Variants in PALM2AKAP2 observed in about 807,000 individuals in gnomAD.
PALM2AKAP2 encodes the protein PALM2-AKAP2 fusion protein.
A neutral mutation model predicts 71.5 loss-of-function variants in PALM2AKAP2; 37 were observed. The ratio of observed to expected loss-of-function variants is 0.52; its 90% CI spans 0.40 to 0.68. The LOEUF (loss-of-function observed/expected upper bound fraction) is 0.68. Among genes scored for constraint, PALM2AKAP2 ranks in the 30% least tolerant of loss-of-function variants. PALM2AKAP2 has a pLI of 0.00. For synonymous variants in PALM2AKAP2, 468 were observed against 478.8 expected (o/e 0.98, Z 0.29); for missense variants, 1,224 against 1,191.8 (o/e 1.03, Z -0.40).
chr9:109,999,186 A>G (rs2132268448), intron 6 of PALM2AKAP2, among the ~76,000 whole-genome samples: 1 of 152,076 alleles, frequency 6.6e-6, no homozygotes, highest in East Asian at 1.9e-4. Context: ...TAAAAATACA[A>G]AAATTGGCTG....
chr9:109,756,507 G>A (rs1264983591), intron 1 of PALM2AKAP2, among the ~76,000 whole-genome samples: 2 of 152,032 alleles, frequency 1.3e-5, no homozygotes, highest in Admixed American at 6.6e-5. Flanking sequence ...CATGTTCATT[G>A]GCTTTTGGCC....
At chr9:109,737,901 T>G (rs138349203) in intron 1 of PALM2AKAP2, among the ~76,000 whole-genome samples, 9 of 152,310 alleles carry the variant, frequency 5.9e-5, no homozygotes, top group African/African-American at 2.2e-4. Flanking sequence ...CATCATAACA[T>G]TTGGGTGTTG....
At chr9:110,054,708 G>A (rs112967741) in intron 1 of PALM2AKAP2, among the ~76,000 whole-genome samples, 5 of 152,098 alleles carry the variant, frequency 3.3e-5, no homozygotes, top group Non-Finnish European at 7.4e-5. Flanking sequence ...GAGTAGCTGG[G>A]ACTACAGGTG....
In PALM2AKAP2 at chr9:109,832,786, G is replaced by A. The variant is rs146691445; in HGVS notation, c.46-34705G>A. ...ACAGATTATCCGACACAATTTCATTGGGGTTCTCAAATGGCAAGAGTTTGT... is the reference window on the plus strand; with the variant it reads ...ACAGATTATCCGACACAATTTCATTAGGGTTCTCAAATGGCAAGAGTTTGT... On this transcript the variant is annotated intron_variant, in intron 1 of 9. Coordinates refer to the PALM2AKAP2 transcript ENST00000302798. Among the ~76,000 whole-genome samples, 22 of 152,226 alleles carry A rather than the reference G, an allele frequency of 1.4e-4. No individual in the cohort carries two copies. The East Asian group carries it at 4.3e-3, about 29-fold the overall frequency.
intron 1 of PALM2AKAP2, among the ~76,000 whole-genome samples, chr9:110,072,912 G>T (rs1245753408): frequency 6.6e-6 from 1 of 152,052 alleles, no homozygotes; most frequent in Non-Finnish European, 1.5e-5. Context: ...GGTTAACTTT[G>T]CACGTGACCA....
At chr9:109,800,434 G>T (rs1484623778) in intron 1 of PALM2AKAP2, among the ~76,000 whole-genome samples, 1 of 152,168 alleles carries the variant, frequency 6.6e-6, no homozygotes, top group Non-Finnish European at 1.5e-5. Context: ...CCCAAGACCG[G>T]GTAGCTGAGT....
intron 1 of PALM2AKAP2, among the ~76,000 whole-genome samples, chr9:109,714,200 G>T (rs1342093168): frequency 6.6e-6 from 1 of 152,116 alleles, no homozygotes; most frequent in Non-Finnish European, 1.5e-5. Flanking sequence ...ACTTCCAATT[G>T]TTAACCTCTG....
rs1829818942 is a variant in PALM2AKAP2, at chr9:109,880,431, A to AAGGCAGCGATTC, written c.127-111_127-100dup. ...AGGGAGCCATGTTAGTGAGGAGGTG[A>AAGGCAGCGATTC]AGGCAGCGATTCAGGCAGCGCTGGT... On this transcript the variant is annotated intron_variant, in intron 2 of 9. Coordinates refer to the PALM2AKAP2 transcript ENST00000302798. 2.1e-6 allele frequency: 3 copies of AAGGCAGCGATTC among 1,435,236 alleles called. No individual in the cohort carries two copies. In the Admixed American group the frequency reaches 6.1e-5, roughly 29 times the overall value. The allele number at this position is 1,435,236 out of a possible 1,614,324, so 88.9% of individuals were successfully genotyped here. A position where few individuals can be genotyped will look rare whatever the true frequency, so the allele number is the denominator to read the frequency against.
chr9:110,102,981 C>T (rs151224540), intron 1 of PALM2AKAP2, among the ~76,000 whole-genome samples: 206 of 152,262 alleles, frequency 1.4e-3, no homozygotes, highest in African/African-American at 4.7e-3. Flanking sequence ...ACTTCTTTCA[C>T]TCCCATCTCA....
intron 1 of PALM2AKAP2, among the ~76,000 whole-genome samples, chr9:109,846,296 G>T (rs939674436): frequency 3.3e-5 from 5 of 152,282 alleles, no homozygotes; most frequent in Non-Finnish European, 7.4e-5. Context: ...ACAGGGACCT[G>T]CTTCAAGAGA....
At chr9:110,123,840 G>C (rs1360343920) in intron 1 of PALM2AKAP2, among the ~76,000 whole-genome samples, 1 of 152,220 alleles carries the variant, frequency 6.6e-6, no homozygotes, top group Non-Finnish European at 1.5e-5. Flanking sequence ...CTTCATAATG[G>C]AAAGTCCTTC....
chr9:109,820,071 A>T (rs1827956774), intron 1 of PALM2AKAP2, among the ~76,000 whole-genome samples: 1 of 152,232 alleles, frequency 6.6e-6, no homozygotes, highest in African/African-American at 2.4e-5. Flanking sequence ...AGACTTACAC[A>T]TACCTTATGT....
At chr9:110,137,401 C>T in exon 2 of PALM2AKAP2, 3 of 1,614,150 alleles carry the variant, frequency 1.9e-6, no homozygotes, top group Non-Finnish European at 2.5e-6. Flanking sequence ...CCTCAGCCGC[C>T]AAGGGACAGA....
In PALM2AKAP2 at chr9:110,160,478, A is replaced by C. The variant is rs539303458; in HGVS notation, c.2748+3981A>C. 1.2e-3 allele frequency among the ~76,000 whole-genome samples: 181 copies of C among 152,306 alleles called. 2 individuals carry two copies. The highest frequency in any genetic ancestry group is 5.8e-4 in the East Asian group (3 of 5,190). The stretch of plus-strand genomic sequence containing the variant: ...GCCTCCAAGGTGGGGTTGCCCACTC[A>C]TGGACCTGGAAGACATTTGGATCAG... On this transcript the variant is annotated intron_variant, in intron 3 of 3. Coordinates refer to ENST00000374525, the Ensembl canonical transcript of PALM2AKAP2.
intron 3 of PALM2AKAP2, among the ~76,000 whole-genome samples, chr9:110,167,317 A>G (rs1185416667): frequency 5.9e-5 from 9 of 152,176 alleles, no homozygotes. Context: ...TAATCAACCA[A>G]TGTTGGCTCT....
intron 1 of PALM2AKAP2, among the ~76,000 whole-genome samples, chr9:110,105,529 A>G (rs77405629): frequency 0.14 from 20,812 of 152,276 alleles, 1,604 homozygotes; most frequent in African/African-American, 0.19. Flanking sequence ...TACTGTATAT[A>G]TGTCATTAGA....
exon 2 of PALM2AKAP2, chr9:110,137,920 G>A (rs762268054): frequency 5.0e-6 from 8 of 1,614,024 alleles, no homozygotes; most frequent in Middle Eastern, 1.6e-4. Flanking sequence ...ACTCTCCGTT[G>A]GTTGATGACC....
chr9:110,006,516 A>G (rs2132301618), intron 6 of PALM2AKAP2, among the ~76,000 whole-genome samples: 1 of 151,738 alleles, frequency 6.6e-6, no homozygotes. Flanking sequence ...CTATGCCACC[A>G]TGCTCAGCTA....
chr9:109,723,463 G>A (rs1167552105), intron 1 of PALM2AKAP2, among the ~76,000 whole-genome samples: 1 of 152,122 alleles, frequency 6.6e-6, no homozygotes, highest in East Asian at 1.9e-4. Flanking sequence ...CATTCCTGCT[G>A]ACAATGGAAC....
Sources: allele counts gnomAD v4.1 joint callset (sites outside exome capture counted in the v4.1 genomes callset), GRCh38; gene constraint gnomAD v4.1.1; transcripts MANE v1.5; gene names NCBI Gene and HGNC (gene_info 2026-07-23, HGNC 2026-07-21).